EPB41L4A: variants seen among roughly 807,000 people sequenced by gnomAD.
The protein encoded by EPB41L4A is band 4.1-like protein 4A.
EPB41L4A carries 100 observed loss-of-function variants against 108.6 expected under a neutral mutation model. The observed-to-expected ratio is 0.92, with a 90% CI of 0.78 to 1.09. The LOEUF (loss-of-function observed/expected upper bound fraction) is 1.09, where lower values mean the gene tolerates loss of function less well. EPB41L4A is among the 50% of genes least tolerant of loss of function. The pLI is 0.00. For synonymous variants in EPB41L4A, 319 were observed against 289.0 expected (o/e 1.10, Z -1.05); for missense variants, 1,030 against 842.7 (o/e 1.22, Z -2.75).
chr5:112,177,206 C>A (rs1760913808), intron 18 of EPB41L4A, among the ~76,000 whole-genome samples: 1 of 152,158 alleles, frequency 6.6e-6, no homozygotes, highest in Non-Finnish European at 1.5e-5. Context: ...TTCCTTTCTG[C>A]AGACTCAAGG....
At chr5:112,179,538 A>AT (rs1322708907) in intron 18 of EPB41L4A, among the ~76,000 whole-genome samples, 1 of 152,186 alleles carries the variant, frequency 6.6e-6, no homozygotes, top group Non-Finnish European at 1.5e-5. Flanking sequence ...AATTGAATCC[A>AT]TTTAATTCCT....
intron 1 of EPB41L4A, among the ~76,000 whole-genome samples, chr5:112,344,063 T>C (rs1333606239): frequency 6.6e-6 from 1 of 152,022 alleles, no homozygotes; most frequent in Non-Finnish European, 1.5e-5. Context: ...TGAGAACCAA[T>C]CTCCTTTAAA....
rs549271623 is a variant in EPB41L4A, at chr5:112,346,975, T to C, written c.100-39485A>G. Among the ~76,000 whole-genome samples, 4 of 152,250 alleles carry C rather than the reference T, an allele frequency of 2.6e-5. No individual in the cohort carries two copies. The East Asian group carries it at 7.7e-4, about 29-fold the overall frequency. On this transcript the variant is annotated intron_variant, in intron 1 of 22. Coordinates refer to ENST00000261486, the MANE Select transcript of EPB41L4A (RefSeq NM_022140.5). The stretch of plus-strand genomic sequence containing the variant: ...GAGTAGGCGCCCAATATTTAGCATT[T>C]TGACAGTTAGAGTCCAAACAGCCAG...
chr5:112,247,406 T>G (rs1750324711), intron 9 of EPB41L4A, among the ~76,000 whole-genome samples: 1 of 152,168 alleles, frequency 6.6e-6, no homozygotes, highest in Non-Finnish European at 1.5e-5. Context: ...CCTCTACCAC[T>G]ATGTCCTTCC....
At chr5:112,267,015 C>T (rs967394218) in intron 4 of EPB41L4A, among the ~76,000 whole-genome samples, 2 of 152,188 alleles carry the variant, frequency 1.3e-5, no homozygotes, top group Non-Finnish European at 2.9e-5. Flanking sequence ...GACCTCACAA[C>T]AAATTAAGCA....
At chr5:112,263,816 C>CTT (rs369063745) in intron 6 of EPB41L4A, 15 of 144,528 alleles carry the variant, frequency 1.0e-4, no homozygotes, top group South Asian at 2.2e-4. Context: ...ACATTTTTTT[C>CTT]TTTTTTTTTT....
intron 1 of EPB41L4A, among the ~76,000 whole-genome samples, chr5:112,329,815 G>A (rs1244287074): frequency 6.6e-6 from 1 of 151,942 alleles, no homozygotes; most frequent in East Asian, 2.0e-4. Context: ...CCCCTCTTCA[G>A]TTGAAGGTAG....
intron 1 of EPB41L4A, among the ~76,000 whole-genome samples, chr5:112,411,760 G>A (rs1762427296): frequency 6.6e-6 from 1 of 152,212 alleles, no homozygotes; most frequent in African/African-American, 2.4e-5. Flanking sequence ...TTAGGAGGCT[G>A]GCCCAGGTGA....
chr5:112,276,420 AG>A (rs1183114794), intron 3 of EPB41L4A, among the ~76,000 whole-genome samples: 1 of 152,200 alleles, frequency 6.6e-6, no homozygotes, highest in Non-Finnish European at 1.5e-5. Context: ...TTTATTTCTG[AG>A]GGTATCAATC....
intron 15 of EPB41L4A, chr5:112,197,125 T>C: frequency 1.4e-5 from 2 of 144,654 alleles, no homozygotes; most frequent in East Asian, 4.1e-4. Flanking sequence ...TCTCACACAG[T>C]CACCTTGCCC....
chr5:112,250,400 G>A (rs1396806664), intron 9 of EPB41L4A, among the ~76,000 whole-genome samples: 1 of 152,144 alleles, frequency 6.6e-6, no homozygotes, highest in Non-Finnish European at 1.5e-5. Flanking sequence ...ATTTTTCTGT[G>A]ATAGTTTTCT....
intron 12 of EPB41L4A, among the ~76,000 whole-genome samples, chr5:112,154,927 A>ATTTGTTT: frequency 6.6e-6 from 1 of 152,204 alleles, no homozygotes; most frequent in South Asian, 2.1e-4. Context: ...GTAAGGAACA[A>ATTTGTTT]CTTCCTAACA....
chr5:112,366,661 C>G (rs1470363899), intron 1 of EPB41L4A, among the ~76,000 whole-genome samples: 1 of 151,858 alleles, frequency 6.6e-6, no homozygotes, highest in Non-Finnish European at 1.5e-5. Context: ...CTGCTTGTGT[C>G]TTCCATTGGC....
chr5:112,415,217 G>C (rs1252427289), intron 1 of EPB41L4A, among the ~76,000 whole-genome samples: 1 of 152,008 alleles, frequency 6.6e-6, no homozygotes, highest in African/African-American at 2.4e-5. Flanking sequence ...CATCAAAACT[G>C]ACTCACAGTA....
intron 12 of EPB41L4A, chr5:112,228,843 G>T: frequency 1.9e-6 from 1 of 531,172 alleles, no homozygotes; most frequent in Non-Finnish European, 2.4e-6. Flanking sequence ...TGCCTGCCCT[G>T]ATGCTGACCT....
rs535898682 is a variant in EPB41L4A at position 112,383,889 on chromosome 5, T to C, written c.99+35052A>G. On this transcript the variant is annotated intron_variant, in intron 1 of 22. Transcript: ENST00000261486. ...CAATTTCCATTTGTATATCTCAAGATAAATTCTAGATAGGTTAAAAGTTAA... is the reference window on the plus strand; with the variant it reads ...CAATTTCCATTTGTATATCTCAAGACAAATTCTAGATAGGTTAAAAGTTAA... Among the ~76,000 whole-genome samples the C allele has an allele frequency of 3.3e-5, 5 of 152,288 alleles. No individual in the cohort carries two copies. The South Asian group carries it at 1.0e-3, about 32-fold the overall frequency.
At chr5:112,268,346 C>T (rs35705963) in intron 4 of EPB41L4A, among the ~76,000 whole-genome samples, 9,522 of 152,144 alleles carry the variant, frequency 0.063, 353 homozygotes, top group Non-Finnish European at 0.075. Flanking sequence ...CCACTGCACC[C>T]CAGCCTGGGT....
chr5:112,272,920 A>C (rs1028799690), intron 4 of EPB41L4A, among the ~76,000 whole-genome samples: 2 of 152,190 alleles, frequency 1.3e-5, no homozygotes, highest in Non-Finnish European at 2.9e-5. Flanking sequence ...ATACCAAAAA[A>C]TTACAGACAA....
chr5:112,289,641 C>T (rs1029714935), intron 2 of EPB41L4A, among the ~76,000 whole-genome samples: 4 of 152,194 alleles, frequency 2.6e-5, no homozygotes, highest in African/African-American at 9.7e-5. Context: ...CAAGCAACAA[C>T]ACAGAGAGTC....
Sources: gnomAD v4.1 joint callset for allele counts (sites outside exome capture counted in the v4.1 genomes callset) on GRCh38, gnomAD v4.1.1 for gene constraint, MANE v1.5 for transcripts, NCBI Gene and HGNC (gene_info 2026-07-23, HGNC 2026-07-21) for gene names.